Variants in RASA3 observed in about 807,000 individuals in gnomAD.
The protein encoded by RASA3 is RAS p21 protein activator 3.
RASA3 carries 73 observed loss-of-function variants against 110.0 expected under a neutral mutation model. That is an observed-to-expected ratio of 0.66 (90% CI 0.55 to 0.81). The LOEUF (loss-of-function observed/expected upper bound fraction) is 0.81, where lower values mean the gene tolerates loss of function less well. RASA3 is among the 30% of genes least tolerant of loss of function. RASA3 has a pLI of 0.00. For missense variants in RASA3, 976 were observed against 1,113.2 expected, an observed-to-expected ratio of 0.88 and a Z score of 1.75; for synonymous variants, 500 against 451.4, an observed-to-expected ratio of 1.11 and a Z score of -1.37.
intron 1 of RASA3, among the ~76,000 whole-genome samples, chr13:114,100,528 T>C (rs995143981): frequency 6.6e-6 from 1 of 152,202 alleles, no homozygotes; most frequent in African/African-American, 2.4e-5. Flanking sequence ...CCCCCTGCGC[T>C]GCGCCCCACG....
At chr13:113,994,135 T>C (rs2053182694) in intron 21 of RASA3, among the ~76,000 whole-genome samples, 1 of 152,242 alleles carries the variant, frequency 6.6e-6, no homozygotes, top group Non-Finnish European at 1.5e-5. Flanking sequence ...TGTTTCCAAC[T>C]TATTTTTGTT....
At chr13:114,125,794 C>G (rs2080438728) in intron 1 of RASA3, among the ~76,000 whole-genome samples, 1 of 152,152 alleles carries the variant, frequency 6.6e-6, no homozygotes, top group African/African-American at 2.4e-5. Flanking sequence ...CCTGCTCTGA[C>G]CCGCGGCTGC....
chr13:114,025,472 TC>T (rs1460212129), intron 7 of RASA3, among the ~76,000 whole-genome samples: 1 of 149,762 alleles, frequency 6.7e-6, no homozygotes, highest in African/African-American at 2.5e-5. Context: ...CAATGCCTCC[TC>T]CAGGAAGCCC....
intron 1 of RASA3, among the ~76,000 whole-genome samples, chr13:114,098,933 C>T (rs367827866): frequency 1.9e-4 from 29 of 152,162 alleles, no homozygotes; most frequent in South Asian, 2.1e-4. Flanking sequence ...CCACTGATGC[C>T]GGACCACAGC....
chr13:114,102,702 G>T (rs377621673), intron 1 of RASA3, among the ~76,000 whole-genome samples: 3 of 152,172 alleles, frequency 2.0e-5, no homozygotes, highest in Admixed American at 6.5e-5. Context: ...AGGCTGCGGC[G>T]TCACTGCCTG....
chr13:114,083,473 C>T (rs9525387), intron 1 of RASA3, among the ~76,000 whole-genome samples: 60,823 of 151,324 alleles, frequency 0.4, 14,520 homozygotes, highest in Non-Finnish European at 0.54. Flanking sequence ...CAGCCTGGAG[C>T]CCAGCAGCAA....
chr13:114,125,805 G>C lies in RASA3; in HGVS notation c.55+6630C>G, dbSNP rs552952121. Among the ~76,000 whole-genome samples, 5 of 152,240 alleles carry C rather than the reference G, an allele frequency of 3.3e-5. No homozygotes were observed. The East Asian group carries it at 9.6e-4, about 29-fold the overall frequency. On this transcript the variant is annotated intron_variant, in intron 1 of 23. Transcript: ENST00000334062. ...GACCCCTGCTCTGACCCGCGGCTGC[G>C]TAAGACGAGACGCGCTCAGTGAGCT...
At position 114,011,357 on chromosome 13, in the gene RASA3, G is replaced by A. The variant is rs926435197; in HGVS notation, c.1513-109C>T. 3 of 961,396 alleles carry A rather than the reference G, an allele frequency of 3.1e-6. No individual in the cohort carries two copies. The highest frequency in any genetic ancestry group is 2.5e-5 in the East Asian group (1 of 40,130). The allele number at this position is 961,396 out of a possible 1,614,324, so 59.6% of individuals were successfully genotyped here. ...AGTCACCTCAGAGCTGCTGTGGCTT[G>A]TGCATGAGCTACGGAGAAACAGGGG... is the stretch of plus-strand genomic sequence containing the variant. On this transcript the variant is annotated intron_variant, in intron 15 of 23. Coordinates refer to ENST00000334062, the MANE Select transcript of RASA3 (RefSeq NM_007368.4). The surrounding 1 kb of genome is among the most constrained non-coding windows in gnomAD (Gnocchi z 4.8).
At chr13:114,055,119 G>A (rs2079219732) in intron 2 of RASA3, among the ~76,000 whole-genome samples, 1 of 150,588 alleles carries the variant, frequency 6.6e-6, no homozygotes, top group Non-Finnish European at 1.5e-5. Context: ...TGTCCCCACA[G>A]GCAGGTGTGC....
At chr13:114,102,594 G>T (rs2080073578) in intron 1 of RASA3, among the ~76,000 whole-genome samples, 1 of 152,192 alleles carries the variant, frequency 6.6e-6, no homozygotes, top group Non-Finnish European at 1.5e-5. Flanking sequence ...ACCCCATTTT[G>T]CAGGAGAAGA....
intron 1 of RASA3, among the ~76,000 whole-genome samples, chr13:114,089,004 G>A (rs1051829473): frequency 6.6e-6 from 1 of 152,100 alleles, no homozygotes; most frequent in Non-Finnish European, 1.5e-5. Context: ...CCAGCACAGC[G>A]GTGCAGGGAC....
chr13:114,063,309 T>C (rs2079392532), intron 2 of RASA3, among the ~76,000 whole-genome samples: 1 of 150,838 alleles, frequency 6.6e-6, no homozygotes, highest in Non-Finnish European at 1.5e-5. Context: ...ATATAAATGT[T>C]ATAGGTTTAA....
At chr13:114,026,329 G>A (rs532556875) in intron 7 of RASA3, among the ~76,000 whole-genome samples, 5 of 152,274 alleles carry the variant, frequency 3.3e-5, no homozygotes, top group Admixed American at 3.3e-4. Context: ...CTCCAACAGG[G>A]CCCACCCTCC....
chr13:114,116,545 A>G (rs1025310115), intron 1 of RASA3, among the ~76,000 whole-genome samples: 3 of 152,016 alleles, frequency 2.0e-5, no homozygotes, highest in African/African-American at 7.2e-5. Context: ...GAGGCAAAAC[A>G]CTACTGAGTT....
chr13:113,989,795 G>A (rs1444407508), intron 22 of RASA3, among the ~76,000 whole-genome samples: 3 of 152,242 alleles, frequency 2.0e-5, no homozygotes, highest in Non-Finnish European at 4.4e-5. Flanking sequence ...CACCCATCCA[G>A]GTGCTAGGCA....
At chr13:114,076,555 C>CGCAGCACACGCAG (rs889064239) in intron 1 of RASA3, among the ~76,000 whole-genome samples, 1 of 151,690 alleles carries the variant, frequency 6.6e-6, no homozygotes, top group East Asian at 1.9e-4. Context: ...CGCACACACA[C>CGCAGCACACGCAG]GCAGCACACG....
intron 4 of RASA3, among the ~76,000 whole-genome samples, chr13:114,036,499 G>A (rs538424514): frequency 6.6e-6 from 1 of 152,284 alleles, no homozygotes; most frequent in South Asian, 2.1e-4. Flanking sequence ...ATGATGAAAC[G>A]GCGGCTCCTG....
intron 1 of RASA3, among the ~76,000 whole-genome samples, chr13:114,093,650 T>G (rs1310473318): frequency 6.6e-6 from 1 of 152,242 alleles, no homozygotes; most frequent in East Asian, 1.9e-4. Context: ...TCTTCTGCCT[T>G]GTTTTTCTCA....
intron 1 of RASA3, among the ~76,000 whole-genome samples, chr13:114,097,540 C>G (rs976632773): frequency 6.6e-6 from 1 of 152,252 alleles, no homozygotes; most frequent in African/African-American, 2.4e-5. Context: ...GCCTGAAAAC[C>G]CCACCAGAAG....
Sources: gnomAD v4.1 joint callset for allele counts (sites outside exome capture counted in the v4.1 genomes callset) on GRCh38, gnomAD v4.1.1 for gene constraint, Gnocchi (gnomAD v3.1) non-coding constraint, MANE v1.5 for transcripts, NCBI Gene and HGNC (gene_info 2026-07-23, HGNC 2026-07-21) for gene names.